ADGRL2: variants seen among roughly 807,000 people sequenced by gnomAD.
ADGRL2 encodes adhesion G protein-coupled receptor L2.
ADGRL2 carries 44 observed loss-of-function variants against 157.4 expected under a neutral mutation model. The observed-to-expected ratio is 0.28, with a 90% confidence interval of 0.22 to 0.36. The LOEUF (loss-of-function observed/expected upper bound fraction) is 0.36, where lower values mean the gene tolerates loss of function less well. ADGRL2 is among the 10% of genes least tolerant of loss of function. The pLI is 1.00. For synonymous variants in ADGRL2, 585 were observed against 624.7 expected (o/e 0.94, Z 0.95); for missense variants, 1,510 against 1,768.9 (o/e 0.85, Z 2.63).
chr1:81,959,890 T>C (rs1353677069), intron 11 of ADGRL2, among the ~76,000 whole-genome samples: 2 of 151,914 alleles, frequency 1.3e-5, no homozygotes, highest in Non-Finnish European at 2.9e-5. Flanking sequence ...AGCCTCCGCC[T>C]CCTGGGTTCA....
At chr1:81,837,944 G>A (rs941290559) in intron 2 of ADGRL2, among the ~76,000 whole-genome samples, 2 of 151,862 alleles carry the variant, frequency 1.3e-5, no homozygotes, top group African/African-American at 2.4e-5. Context: ...AGTTTGTGAA[G>A]GGTATAAAAT....
At chr1:81,842,300 C>T (rs1186541007) in intron 2 of ADGRL2, among the ~76,000 whole-genome samples, 1 of 140,008 alleles carries the variant, frequency 7.1e-6, no homozygotes, top group African/African-American at 2.6e-5. Context: ...CCTGATTAGG[C>T]TTCTTGGGAA....
At position 81,711,896 on chromosome 1, in the gene ADGRL2, T is replaced by A. The variant is rs145846853; in HGVS notation, c.-143+12088T>A. 1.4e-3 allele frequency among the ~76,000 whole-genome samples: 210 copies of A among 152,304 alleles called. 8 individuals are homozygous for A. In the East Asian group the frequency reaches 0.04, roughly 29 times the overall value. Reference sequence around the variant, plus strand: ...AAGGTTAAGGGAGAAGATAGATTAATGAACATGAATTTTCAGTGGTTTGTA... The same window carrying A: ...AAGGTTAAGGGAGAAGATAGATTAAAGAACATGAATTTTCAGTGGTTTGTA... On this transcript the variant is annotated intron_variant, in intron 1 of 20. Transcript: ENST00000359929.
chr1:81,526,597 A>C (rs2079462208), intron 2 of ADGRL2, among the ~76,000 whole-genome samples: 1 of 152,230 alleles, frequency 6.6e-6, no homozygotes, highest in Admixed American at 6.5e-5. Context: ...ATTCTGTGTT[A>C]AACTTTTAAA....
intron 2 of ADGRL2, among the ~76,000 whole-genome samples, chr1:81,474,981 G>T (rs1357348858): frequency 6.6e-6 from 1 of 152,094 alleles, no homozygotes; most frequent in East Asian, 1.9e-4. Context: ...AAAACATTTT[G>T]ATAGGTGGTA....
chr1:81,618,917 G>T (rs1190980679), intron 3 of ADGRL2, among the ~76,000 whole-genome samples: 1 of 151,486 alleles, frequency 6.6e-6, no homozygotes, highest in Non-Finnish European at 1.5e-5. Flanking sequence ...TTCTGAATTG[G>T]GTTTTAAAAA....
chr1:81,747,070 A>G (rs1384528602), intron 1 of ADGRL2, among the ~76,000 whole-genome samples: 1 of 147,134 alleles, frequency 6.8e-6, no homozygotes, highest in Non-Finnish European at 1.5e-5. Context: ...ACATGTGTAT[A>G]TATGTATATA....
intron 3 of ADGRL2, among the ~76,000 whole-genome samples, chr1:81,913,069 G>C (rs2094770940): frequency 6.6e-6 from 1 of 152,164 alleles, no homozygotes; most frequent in Non-Finnish European, 1.5e-5. Context: ...TCAAAGCTCA[G>C]TGTTTTCTGA....
intron 2 of ADGRL2, among the ~76,000 whole-genome samples, chr1:81,477,210 A>G (rs1483434476): frequency 6.6e-6 from 1 of 152,142 alleles, no homozygotes; most frequent in Non-Finnish European, 1.5e-5. Flanking sequence ...TATTATACCC[A>G]TTTTACAGAT....
In ADGRL2 at chr1:81,811,152, C is replaced by T. The variant is rs2089826738; in HGVS notation, c.-101+10084C>T. 2.0e-5 allele frequency among the ~76,000 whole-genome samples: 3 copies of T among 151,618 alleles called. No homozygotes were observed. In the South Asian group the frequency reaches 6.2e-4, roughly 32 times the overall value. ...GATTACTTTTTCTTAAGCAGAAAAC[C>T]CCACAAAAAACACTGCTGATTTGCT... On this transcript the variant is annotated intron_variant, in intron 1 of 23. Transcript: ENST00000686636.
intron 1 of ADGRL2, among the ~76,000 whole-genome samples, chr1:81,832,458 T>C (rs2092011351): frequency 6.6e-6 from 1 of 152,164 alleles, no homozygotes; most frequent in Non-Finnish European, 1.5e-5. Flanking sequence ...TTTCTAATAG[T>C]CTAGAGTCCT....
intron 1 of ADGRL2, among the ~76,000 whole-genome samples, chr1:81,747,307 A>T (rs75505094): frequency 0.11 from 16,282 of 143,476 alleles, 945 homozygotes; most frequent in Middle Eastern, 0.21. Context: ...ATATATATAT[A>T]TTTTTTTTTT....
At chr1:81,567,001 G>T (rs940784593) in intron 2 of ADGRL2, among the ~76,000 whole-genome samples, 1 of 152,024 alleles carries the variant, frequency 6.6e-6, no homozygotes, top group African/African-American at 2.4e-5. Context: ...AAATTTCGTA[G>T]TATCTGTATA....
At chr1:81,883,925 A>G (rs1256631013) in intron 2 of ADGRL2, among the ~76,000 whole-genome samples, 3 of 152,192 alleles carry the variant, frequency 2.0e-5, no homozygotes, top group Admixed American at 6.5e-5. Context: ...CTTAGTTGCC[A>G]GCTTTTTGTA....
intron 3 of ADGRL2, among the ~76,000 whole-genome samples, chr1:81,932,797 G>A (rs763440201): frequency 1.8e-4 from 28 of 152,086 alleles, no homozygotes; most frequent in Non-Finnish European, 2.9e-4. Context: ...AGGTTCAAGC[G>A]ATTCTCCTGC....
At position 81,528,479 on chromosome 1, in the gene ADGRL2, C is replaced by A. The variant is rs544344260; in HGVS notation, c.-247-52397C>A. Among the ~76,000 whole-genome samples the A allele has an allele frequency of 4.6e-5, 7 of 152,126 alleles. No individual in the cohort carries two copies. The South Asian group carries it at 1.5e-3, about 32-fold the overall frequency. The stretch of plus-strand genomic sequence containing the variant: ...TGGCTAACACGGTGAAACCCCGTCT[C>A]TACCAAAAATACAAAAAATTAGCCG... On this transcript the variant is annotated intron_variant, in intron 2 of 24. Transcript: ENST00000370721.
chr1:81,982,830 TA>T (rs1662045014), intron 19 of ADGRL2, among the ~76,000 whole-genome samples: 1 of 151,992 alleles, frequency 6.6e-6, no homozygotes. Context: ...ATATAGGCAT[TA>T]GGCAAAACCA....
chr1:81,403,609 C>T (rs911126656), intron 1 of ADGRL2, among the ~76,000 whole-genome samples: 1 of 151,922 alleles, frequency 6.6e-6, no homozygotes, highest in Non-Finnish European at 1.5e-5. Context: ...GATGGCATAT[C>T]AAAAGTGGTG....
chr1:81,319,732 A>G (rs796730162), intron 1 of ADGRL2, among the ~76,000 whole-genome samples: 64 of 152,334 alleles, frequency 4.2e-4, no homozygotes, highest in African/African-American at 1.5e-3. Context: ...GTAGAGGAAA[A>G]TAAGACCCAT....
Sources: gnomAD v4.1 joint callset for allele counts (sites outside exome capture counted in the v4.1 genomes callset) on GRCh38, gnomAD v4.1.1 for gene constraint, MANE v1.5 for transcripts, NCBI Gene and HGNC (gene_info 2026-07-23, HGNC 2026-07-21) for gene names.